The following SOX6 variants were observed in gnomAD, a reference collection of about 807,000 sequenced individuals.
The protein encoded by SOX6 is transcription factor SOX-6.
Under a neutral mutation model 97.8 loss-of-function variants are expected in SOX6, and 11 were observed. That is an observed-to-expected ratio of 0.11 (90% CI 0.07 to 0.19). The LOEUF (loss-of-function observed/expected upper bound fraction) is 0.19, where lower values mean the gene tolerates loss of function less well. Ranked by LOEUF, SOX6 falls within the 10% of genes least tolerant of loss-of-function variation. The pLI, the probability that SOX6 is intolerant of heterozygous loss-of-function variation, is 1.00. For synonymous variants in SOX6, 360 were observed against 371.4 expected (o/e 0.97, Z 0.35); for missense variants, 810 against 1,039.5 (o/e 0.78, Z 3.04).
At chr11:16,698,467 C>A (rs910653515) in intron 3 of SOX6, among the ~76,000 whole-genome samples, 1 of 152,170 alleles carries the variant, frequency 6.6e-6, no homozygotes, top group Admixed American at 6.5e-5. Context: ...CTAAAACTTT[C>A]TCTTTATCAG....
intron 3 of SOX6, among the ~76,000 whole-genome samples, chr11:16,243,722 A>G (rs1853259756): frequency 6.6e-6 from 1 of 151,998 alleles, no homozygotes; most frequent in South Asian, 2.1e-4. Flanking sequence ...CTATCACTAT[A>G]AAATAATTTT....
chr11:16,430,787 G>C (rs956885592), intron 1 of SOX6, among the ~76,000 whole-genome samples: 2 of 152,132 alleles, frequency 1.3e-5, no homozygotes. Flanking sequence ...TAGTCTCCCT[G>C]CTATAGTCTA....
intron 2 of SOX6, among the ~76,000 whole-genome samples, chr11:16,330,436 T>G (rs1199678513): frequency 2.6e-5 from 4 of 152,076 alleles, no homozygotes; most frequent in Non-Finnish European, 5.9e-5. Context: ...ACACCTGTAA[T>G]CCCAGCTACT....
chr11:16,565,314 G>A (rs1321820969), intron 4 of SOX6, among the ~76,000 whole-genome samples: 2 of 152,010 alleles, frequency 1.3e-5, no homozygotes, highest in Admixed American at 6.6e-5. Context: ...GAATTCTTAT[G>A]TTTAAGTACC....
chr11:16,336,816 C>T (rs1856475748), intron 2 of SOX6, among the ~76,000 whole-genome samples: 1 of 152,136 alleles, frequency 6.6e-6, no homozygotes, highest in South Asian at 2.1e-4. Flanking sequence ...GTTTCTCAAA[C>T]ATACAAACTA....
At chr11:16,501,560 A>C (rs1860709740) in intron 4 of SOX6, among the ~76,000 whole-genome samples, 1 of 151,898 alleles carries the variant, frequency 6.6e-6, no homozygotes, top group South Asian at 2.1e-4. Flanking sequence ...CAATCTACTC[A>C]TCTGACAAAG....
At chr11:16,441,508 C>A (rs1009432333) in intron 1 of SOX6, among the ~76,000 whole-genome samples, 1 of 152,056 alleles carries the variant, frequency 6.6e-6, no homozygotes, top group Non-Finnish European at 1.5e-5. Context: ...GTTACACCTC[C>A]CTGCAGCAAT....
At chr11:16,309,044 G>A (rs966630665) in intron 3 of SOX6, among the ~76,000 whole-genome samples, 7 of 152,172 alleles carry the variant, frequency 4.6e-5, no homozygotes, top group Non-Finnish European at 5.9e-5. Flanking sequence ...TAACACAGGC[G>A]CATGCATGCA....
chr11:16,605,686 C>T lies in SOX6; in HGVS notation n.609+6395G>A, dbSNP rs1848326196. 4.6e-5 allele frequency among the ~76,000 whole-genome samples: 7 copies of T among 151,988 alleles called. No homozygotes were observed. The South Asian group carries it at 1.5e-3, about 32-fold the overall frequency. On this transcript the variant is annotated intron_variant and non_coding_transcript_variant, in intron 4 of 5. Transcript: ENST00000524520. The surrounding 1 kb of genome is among the most constrained non-coding windows in gnomAD (Gnocchi z 5.3). ...TCCTCGACTCCCGCCCGCCCTCAAC[C>T]AGTGTCAACCCCACAAACAGCCTAA...
rs1852367804 is a variant in SOX6, at chr11:16,216,200, G to A, written c.535+18382C>T. On this transcript the variant is annotated intron_variant, in intron 4 of 15. Coordinates refer to ENST00000683767, the MANE Select transcript of SOX6 (RefSeq NM_001367873.1). Reference sequence around the variant, plus strand: ...ATTTGCCCAAAAAATGTTAGTCCTTGTTTTTGTCAGCGCTTTCTCTCTCAC... The same window carrying A: ...ATTTGCCCAAAAAATGTTAGTCCTTATTTTTGTCAGCGCTTTCTCTCTCAC... 2.0e-5 allele frequency among the ~76,000 whole-genome samples: 3 copies of A among 152,266 alleles called. No homozygotes were observed. In the South Asian group the frequency reaches 6.2e-4, roughly 32 times the overall value.
chr11:16,404,152 G>T (rs1291020406), intron 1 of SOX6, among the ~76,000 whole-genome samples: 1 of 151,818 alleles, frequency 6.6e-6, no homozygotes, highest in Non-Finnish European at 1.5e-5. Flanking sequence ...CTGTTAGTGG[G>T]TATTTGGGGT....
At chr11:16,142,261 G>A (rs1850163454) in intron 6 of SOX6, among the ~76,000 whole-genome samples, 1 of 152,154 alleles carries the variant, frequency 6.6e-6, no homozygotes, top group South Asian at 2.1e-4. Flanking sequence ...TGGACCTCCA[G>A]CAAACTCCAA....
At chr11:16,563,317 T>A (rs1031571425) in intron 4 of SOX6, among the ~76,000 whole-genome samples, 1 of 152,152 alleles carries the variant, frequency 6.6e-6, no homozygotes, top group Non-Finnish European at 1.5e-5. Flanking sequence ...GGTTGGTGCA[T>A]GCGTTTAGTT....
At chr11:16,206,615 G>T (rs182981732) in intron 4 of SOX6, among the ~76,000 whole-genome samples, 4 of 152,072 alleles carry the variant, frequency 2.6e-5, no homozygotes, top group Admixed American at 2.6e-4. Flanking sequence ...GTGAGTTAAC[G>T]CAAGTTAATA....
chr11:16,212,953 T>C (rs1852269192), intron 4 of SOX6, among the ~76,000 whole-genome samples: 1 of 152,172 alleles, frequency 6.6e-6, no homozygotes, highest in South Asian at 2.1e-4. Context: ...CAAAAAGCAG[T>C]ACTCTGAACA....
chr11:16,063,508 AT>A (rs2133932058), intron 9 of SOX6, among the ~76,000 whole-genome samples: 1 of 29,116 alleles, frequency 3.4e-5, no homozygotes, highest in East Asian at 1.2e-3. Context: ...ATATATATAT[AT>A]ATATATATAT....
intron 3 of SOX6, among the ~76,000 whole-genome samples, chr11:16,618,583 T>C (rs769035068): frequency 6.6e-6 from 1 of 151,920 alleles, no homozygotes; most frequent in Non-Finnish European, 1.5e-5. Flanking sequence ...AATTCCAGTT[T>C]TCCTGACAAT....
At chr11:16,375,195 T>C (rs1276781738) in intron 1 of SOX6, among the ~76,000 whole-genome samples, 1 of 152,228 alleles carries the variant, frequency 6.6e-6, no homozygotes, top group Admixed American at 6.6e-5. Context: ...TCAAACTTTC[T>C]AGCCCACACC....
intron 3 of SOX6, among the ~76,000 whole-genome samples, chr11:16,695,086 C>A (rs115180841): frequency 6.6e-6 from 1 of 152,126 alleles, no homozygotes; most frequent in Non-Finnish European, 1.5e-5. Flanking sequence ...CAATCCCCCA[C>A]GGATACCAAG....
Sources: allele counts gnomAD v4.1 joint callset (sites outside exome capture counted in the v4.1 genomes callset), GRCh38; gene constraint gnomAD v4.1.1; non-coding constraint Gnocchi (gnomAD v3.1); transcripts MANE v1.5; gene names NCBI Gene and HGNC (gene_info 2026-07-23, HGNC 2026-07-21).